Variants in ASS1 observed in about 807,000 individuals in gnomAD.
ASS1 encodes the protein argininosuccinate synthase.
ASS1 carries 58 observed loss-of-function variants against 60.5 expected under a neutral mutation model. The ratio of observed to expected loss-of-function variants is 0.96; its 90% CI spans 0.78 to 1.19. The LOEUF (loss-of-function observed/expected upper bound fraction) is 1.19, where lower values mean the gene tolerates loss of function less well. Ranked by LOEUF, ASS1 falls within the 50% of genes most tolerant of loss-of-function variation. ASS1 has a pLI of 0.00. For synonymous variants in ASS1, 200 were observed against 206.9 expected, an observed-to-expected ratio of 0.97 and a Z score of 0.29; for missense variants, 454 against 547.3, an observed-to-expected ratio of 0.83 and a Z score of 1.70.
At chr9:130,466,196 C>T (rs1202552422) in intron 5 of ASS1, among the ~76,000 whole-genome samples, 1 of 152,236 alleles carries the variant, frequency 6.6e-6, no homozygotes, top group Non-Finnish European at 1.5e-5. Context: ...CCAGCTCAGG[C>T]CGAGGGGCTC....
intron 5 of ASS1, chr9:130,466,456 A>G: frequency 1.8e-6 from 1 of 548,902 alleles, no homozygotes; most frequent in Non-Finnish European, 3.3e-6. Context: ...GGGGAGACTG[A>G]GGCCCAGGGA....
chr9:130,485,599 AC>A (rs2118855979), intron 11 of ASS1, among the ~76,000 whole-genome samples: 1 of 152,250 alleles, frequency 6.6e-6, no homozygotes, highest in South Asian at 2.1e-4. Flanking sequence ...GGCTCCTGCT[AC>A]CGGCCTACCC....
chr9:130,461,335 A>C (rs1266555429), intron 4 of ASS1, among the ~76,000 whole-genome samples: 1 of 152,058 alleles, frequency 6.6e-6, no homozygotes, highest in East Asian at 1.9e-4. Flanking sequence ...CCCCTCCTCC[A>C]TGTGGCCACC....
intron 11 of ASS1, among the ~76,000 whole-genome samples, chr9:130,483,139 A>G (rs189900856): frequency 6.6e-6 from 1 of 152,308 alleles, no homozygotes; most frequent in East Asian, 1.9e-4. Flanking sequence ...AGGAAAGAGG[A>G]GAGACGGTAA....
chr9:130,488,624 G>A lies in ASS1; in HGVS notation c.839-709G>A, dbSNP rs144691395. ...GACTGGGCCTGAGGTCACAAGAGGG[G>A]ACTTGAGCAATCCCTTCTCCCCTGA... On this transcript the variant is annotated intron_variant, in intron 11 of 14. Transcript: ENST00000352480. The surrounding 1 kb of genome is among the most constrained non-coding windows in gnomAD (Gnocchi z 5.2). Among the ~76,000 whole-genome samples, 1 of 152,234 alleles carries A rather than the reference G, an allele frequency of 6.6e-6. No homozygotes were observed. The highest frequency in any genetic ancestry group is 2.4e-5 in the African/African-American group (1 of 41,456).
intron 13 of ASS1, among the ~76,000 whole-genome samples, chr9:130,495,444 C>CATATATATATATATATAT (rs142565065): frequency 3.3e-4 from 46 of 139,832 alleles, no homozygotes; most frequent in African/African-American, 9.6e-4. Context: ...CACACACATA[C>CATATATATATATATATAT]ATATATATAT....
In ASS1 at chr9:130,452,278, C is replaced by A; in HGVS notation, c.50C>A (p.Thr17Asn). The change falls in exon 2 of 15, where the codon ACC becomes AAC. Residue 17 changes from threonine to asparagine, a missense_variant. Coordinates refer to ENST00000352480, the MANE Select transcript of ASS1 (RefSeq NM_054012.4). ...VVLAYSGGLD[T>N]SCILVWLKEQ... ...CTGGCCTACAGTGGCGGCCTGGACA[C>A]CTCGTGCATCCTCGTGTGGCTGAAG... The A allele has an allele frequency of 6.2e-7, 1 of 1,614,176 alleles. No individual in the cohort carries two copies. The highest frequency in any genetic ancestry group is 8.5e-7 in the Non-Finnish European group (1 of 1,180,012).
intron 11 of ASS1, among the ~76,000 whole-genome samples, chr9:130,486,341 T>C (rs1037085282): frequency 2.0e-5 from 3 of 152,162 alleles, no homozygotes; most frequent in Non-Finnish European, 2.9e-5. Flanking sequence ...TCCTCCCTCC[T>C]TGGCCTCCCA....
In ASS1 at chr9:130,451,607, C is replaced by T. The variant is rs140931704; in HGVS notation, c.-5-617C>T. 1.6e-3 allele frequency: 557 copies of T among 350,744 alleles called. 4 individuals are homozygous for T. The highest frequency in any genetic ancestry group is 0.011 in the African/African-American group (500 of 46,710). The allele number at this position is 350,744 out of a possible 1,614,324, so 21.7% of individuals were successfully genotyped here. On this transcript the variant is annotated intron_variant, in intron 1 of 14. Coordinates refer to ENST00000352480, the MANE Select transcript of ASS1 (RefSeq NM_054012.4). The stretch of plus-strand genomic sequence containing the variant: ...GCATCCTTCTCCACCTGCAGGTGGG[C>T]GGCGGCACTGCGTGCTGGGGAAGCA...
At chr9:130,448,420 G>GCACA (rs1292113652) in intron 1 of ASS1, among the ~76,000 whole-genome samples, 4 of 66,184 alleles carry the variant, frequency 6.0e-5, no homozygotes, top group African/African-American at 1.8e-4. Flanking sequence ...GTGTGTGCGC[G>GCACA]CGCACACACA....
At chr9:130,464,515 G>A (rs1024849370) in intron 5 of ASS1, among the ~76,000 whole-genome samples, 10 of 152,094 alleles carry the variant, frequency 6.6e-5, no homozygotes, top group African/African-American at 2.4e-4. Flanking sequence ...GGCACCCCAG[G>A]TGCGGGTGGG....
chr9:130,468,181 A>G (rs779334113), intron 6 of ASS1, among the ~76,000 whole-genome samples: 1 of 152,220 alleles, frequency 6.6e-6, no homozygotes, highest in Non-Finnish European at 1.5e-5. Flanking sequence ...CTGAGCAGTG[A>G]TGAGGCCTCC....
rs1215987 is a variant in ASS1, at chr9:130,457,402, T to C, written c.175-999T>C. Reference sequence around the variant, plus strand: ...GGGAGGATTGCTTGAACCCAGGAGGTTGAGGCTGCAGTGAGCTAGGATCAC... The same window carrying C: ...GGGAGGATTGCTTGAACCCAGGAGGCTGAGGCTGCAGTGAGCTAGGATCAC... On this transcript the variant is annotated intron_variant, in intron 3 of 14. Transcript: ENST00000352480. Among the ~76,000 whole-genome samples, 52,585 of 151,612 alleles carry C rather than the reference T, an allele frequency of 0.35. 10,927 individuals are homozygous for C. Among genetic ancestry groups the C allele is most frequent in the East Asian group, 0.63 (3,219 of 5,150 alleles).
chr9:130,490,148 C>T (rs1022096362), intron 12 of ASS1, among the ~76,000 whole-genome samples: 1 of 152,192 alleles, frequency 6.6e-6, no homozygotes, highest in Non-Finnish European at 1.5e-5. Flanking sequence ...GTGAGGAGCC[C>T]GGGTTTCCAT....
intron 8 of ASS1, among the ~76,000 whole-genome samples, chr9:130,474,522 CCCTGGTTGG>C (rs1845966886): frequency 6.6e-6 from 1 of 152,184 alleles, no homozygotes; most frequent in Admixed American, 6.5e-5. Flanking sequence ...CGTACCGGCA[CCCTGGTTGG>C]AGGCTTGGGG....
chr9:130,468,321 G>A (rs1178777014), intron 6 of ASS1, among the ~76,000 whole-genome samples: 1 of 152,152 alleles, frequency 6.6e-6, no homozygotes, highest in Non-Finnish European at 1.5e-5. Flanking sequence ...TAAAAAACAT[G>A]CATTTGCTTC....
chr9:130,457,555 C>A (rs1284367802), intron 3 of ASS1, among the ~76,000 whole-genome samples: 3 of 152,214 alleles, frequency 2.0e-5, no homozygotes, highest in African/African-American at 7.2e-5. Context: ...AAGAACCATT[C>A]CTCTGGATCG....
intron 1 of ASS1, chr9:130,450,138 T>A (rs1588469409): frequency 3.0e-6 from 1 of 332,674 alleles, no homozygotes. Flanking sequence ...GCAGGACAGG[T>A]GGCTCTGGGG....
Position 130,473,603 on chromosome 9 carries a change from G to C in ASS1, c.597+2088G>C, listed in dbSNP as rs1588489629. 2.0e-5 allele frequency among the ~76,000 whole-genome samples: 3 copies of C among 152,278 alleles called. No individual in the cohort carries two copies. The South Asian group carries it at 6.2e-4, about 32-fold the overall frequency. ...TGAGGGTGGGGCTCAACGTCAGGAC[G>C]CACCCTTGCATCCCTGGACCTGGCA... On this transcript the variant is annotated intron_variant, in intron 8 of 14. Coordinates refer to ENST00000352480, the MANE Select transcript of ASS1 (RefSeq NM_054012.4).
Sources: gnomAD v4.1 joint callset for allele counts (sites outside exome capture counted in the v4.1 genomes callset) on GRCh38, gnomAD v4.1.1 for gene constraint, Gnocchi (gnomAD v3.1) non-coding constraint, MANE v1.5 for transcripts, NCBI Gene and HGNC (gene_info 2026-07-23, HGNC 2026-07-21) for gene names.